The following GLTP variants were observed in gnomAD, a reference collection of about 807,000 sequenced individuals.
The protein encoded by GLTP is glycolipid transfer protein.
A neutral mutation model predicts 24.0 loss-of-function variants in GLTP; 22 were observed. The observed-to-expected ratio is 0.92, with a 90% CI of 0.65 to 1.31. GLTP has a LOEUF of 1.31. GLTP is among the 50% of genes most tolerant of loss of function. The pLI, the probability that GLTP is intolerant of heterozygous loss-of-function variation, is 0.00. For missense variants in GLTP, 224 were observed against 276.6 expected, an observed-to-expected ratio of 0.81 and a Z score of 1.35; for synonymous variants, 92 against 115.9, an observed-to-expected ratio of 0.79 and a Z score of 1.33.
At position 109,857,548 on chromosome 12, in the gene GLTP, G is replaced by C; in HGVS notation, c.274C>G (p.Leu92Val). 1 of 1,613,694 alleles carries C rather than the reference G, an allele frequency of 6.2e-7. No homozygotes were observed. Among genetic ancestry groups the C allele is most frequent in the Non-Finnish European group, 8.5e-7 (1 of 1,180,002 alleles). The change falls in exon 3 of 5, where the codon CTG (leucine) becomes GTG (valine). Residue 92 changes from leucine (L) to valine (V), a missense_variant. Transcript: ENST00000318348. This position sits in a 1 kb window ranked among gnomAD's most constrained non-coding sequence, Gnocchi z 4.3. The stretch of plus-strand genomic sequence containing the variant: ...CACCTTTTCAGCCACATCAGCGCCA[G>C]TGTGGCCCCTACTTTGGGCCACTCT... ...GAEWPKVGAT[L>V]ALMWLKRGLR...
chr12:109,873,362 C>T (rs1164808190), intron 1 of GLTP, among the ~76,000 whole-genome samples: 1 of 151,958 alleles, frequency 6.6e-6, no homozygotes, highest in East Asian at 1.9e-4. Context: ...AGGCTGGGCG[C>T]GGTAGCTCAC....
intron 1 of GLTP, among the ~76,000 whole-genome samples, chr12:109,865,165 T>C (rs934883517): frequency 3.9e-5 from 6 of 152,238 alleles, no homozygotes; most frequent in African/African-American, 1.4e-4. Flanking sequence ...CAAACTTGTT[T>C]TTTTCAATTG....
At chr12:109,863,719 T>A in intron 1 of GLTP, among the ~76,000 whole-genome samples, 1 of 152,216 alleles carries the variant, frequency 6.6e-6, no homozygotes, top group East Asian at 1.9e-4. Context: ...GCAGGGCTGC[T>A]GTGAGAGAGA....
At position 109,880,404 on chromosome 12, in the gene GLTP, A is replaced by C; in HGVS notation, c.-30T>G. The C allele has an allele frequency of 3.5e-6, 4 of 1,140,770 alleles. No homozygotes were observed. Among genetic ancestry groups the C allele is most frequent in the Non-Finnish European group, 4.7e-6 (4 of 846,538 alleles). 70.7% of individuals were successfully genotyped at this position (1,140,770 alleles called of 1,614,324 possible). A position where few individuals can be genotyped will look rare whatever the true frequency, so the allele number is the denominator to read the frequency against. On this transcript the variant is annotated 5_prime_UTR_variant, in exon 1 of 5. Transcript: ENST00000318348. This position sits in a 1 kb window ranked among gnomAD's most constrained non-coding sequence, Gnocchi z 5.1. ...GGGTCGAGGCCCGCGGTGATGCCCC[A>C]GCCGGCGCCGCGGGCGTCGACACCG...
intron 1 of GLTP, among the ~76,000 whole-genome samples, chr12:109,868,945 T>C (rs963157403): frequency 1.3e-5 from 2 of 152,128 alleles, no homozygotes; most frequent in African/African-American, 4.8e-5. Context: ...GTTCCTGCTC[T>C]GAGTCTACTA....
At chr12:109,864,675 G>T (rs1290848662) in intron 1 of GLTP, among the ~76,000 whole-genome samples, 1 of 152,088 alleles carries the variant, frequency 6.6e-6, no homozygotes, top group Non-Finnish European at 1.5e-5. Context: ...CAGAGCCAAA[G>T]CTGCTTCCAC....
chr12:109,854,597 G>A (rs192649230), intron 4 of GLTP, among the ~76,000 whole-genome samples: 26 of 152,260 alleles, frequency 1.7e-4, no homozygotes, highest in Non-Finnish European at 3.2e-4. Context: ...CCTCATCTGG[G>A]AAATGGAAGT....
At chr12:109,877,539 C>T (rs965323326) in intron 1 of GLTP, among the ~76,000 whole-genome samples, 7 of 152,064 alleles carry the variant, frequency 4.6e-5, no homozygotes, top group African/African-American at 1.7e-4. Flanking sequence ...AGGTAGAGGC[C>T]GGGAATGCTG....
chr12:109,865,466 A>G (rs1451933052), intron 1 of GLTP, among the ~76,000 whole-genome samples: 1 of 152,134 alleles, frequency 6.6e-6, no homozygotes, highest in South Asian at 2.1e-4. Context: ...CATCTGTACT[A>G]AAAATACAAA....
intron 1 of GLTP, among the ~76,000 whole-genome samples, chr12:109,862,232 T>A (rs1413776229): frequency 6.6e-6 from 1 of 152,078 alleles, no homozygotes; most frequent in African/African-American, 2.4e-5. Flanking sequence ...CAAGCATCAA[T>A]GGGGTGACGA....
At chr12:109,876,423 G>T (rs1203995484) in intron 1 of GLTP, among the ~76,000 whole-genome samples, 1 of 152,130 alleles carries the variant, frequency 6.6e-6, no homozygotes, top group Non-Finnish European at 1.5e-5. Flanking sequence ...GCTGAAGTGG[G>T]AAGATTGCTT....
At chr12:109,879,911 G>A (rs1396108444) in intron 1 of GLTP, among the ~76,000 whole-genome samples, 2 of 152,036 alleles carry the variant, frequency 1.3e-5, no homozygotes, top group African/African-American at 2.4e-5. Context: ...GGGAAGAAGG[G>A]GCAGGAGGCT....
At chr12:109,873,875 C>T (rs76500252) in intron 1 of GLTP, among the ~76,000 whole-genome samples, 8,416 of 152,060 alleles carry the variant, frequency 0.055, 348 homozygotes, top group East Asian at 0.12. Flanking sequence ...TCCCACAAGA[C>T]GATTTCAACA....
chr12:109,869,235 G>A (rs963998652), intron 1 of GLTP, among the ~76,000 whole-genome samples: 17 of 141,356 alleles, frequency 1.2e-4, no homozygotes, highest in Non-Finnish European at 1.7e-4. Context: ...AGGATGGGGA[G>A]GTTGCAGTGA....
rs1555214941 is a variant in GLTP at position 109,869,331 on chromosome 12, A to AAGAAAGAAAG, written c.104-10600_104-10591dup. Among the ~76,000 whole-genome samples the AAGAAAGAAAG allele has an allele frequency of 2.3e-3, 341 of 150,092 alleles. 16 individuals carry two copies. In the East Asian group the frequency reaches 0.066, roughly 29 times the overall value. ...AAAAAAAAAAAAAAAGAAAGAAAGA[A>AAGAAAGAAAG]AGAAAGAAAGAGAAAGAAAAAAAGA... On this transcript the variant is annotated intron_variant, in intron 1 of 4. Transcript: ENST00000318348.
intron 1 of GLTP, among the ~76,000 whole-genome samples, chr12:109,874,947 G>A (rs948603593): frequency 6.6e-6 from 1 of 151,954 alleles, no homozygotes; most frequent in Non-Finnish European, 1.5e-5. Context: ...ATTTTTAGTA[G>A]AGACGGAGTT....
chr12:109,858,249 T>A, intron 2 of GLTP: 1 of 457,998 alleles, frequency 2.2e-6, no homozygotes, highest in South Asian at 1.5e-5. Flanking sequence ...GATGAAGAAA[T>A]GAGATCATGC....
chr12:109,858,757 GAAGA>G lies in GLTP; in HGVS notation c.104-20_104-17del. 6.3e-7 allele frequency: 1 copy of G among 1,580,270 alleles called. No homozygotes were observed. Among genetic ancestry groups the G allele is most frequent in the Non-Finnish European group, 8.7e-7 (1 of 1,149,248 alleles). ...CCAAGGCAATCTGGGGACAAAATGA[GAAGA>G]CAGATTGAGATTCGCAGCAAGAGTG... On this transcript the variant is annotated splice_polypyrimidine_tract_variant and intron_variant, in intron 1 of 4. Transcript: ENST00000318348.
chr12:109,874,536 C>T (rs112231699), intron 1 of GLTP, among the ~76,000 whole-genome samples: 6 of 152,236 alleles, frequency 3.9e-5, no homozygotes, highest in African/African-American at 1.4e-4. Context: ...TCATTACCTT[C>T]AGCTCTTCCA....
Sources: allele counts gnomAD v4.1 joint callset (sites outside exome capture counted in the v4.1 genomes callset), GRCh38; gene constraint gnomAD v4.1.1; non-coding constraint Gnocchi (gnomAD v3.1); transcripts MANE v1.5; gene names NCBI Gene and HGNC (gene_info 2026-07-23, HGNC 2026-07-21).